The following RAB39A variants were observed in gnomAD, a reference collection of about 807,000 sequenced individuals.
The protein encoded by RAB39A is RAB39A, member RAS oncogene family, also known as ras-related protein Rab-39A.
RAB39A carries 17 observed loss-of-function variants against 20.9 expected under a neutral mutation model. That is an observed-to-expected ratio of 0.81 (90% CI 0.56 to 1.22). The LOEUF (loss-of-function observed/expected upper bound fraction) is 1.22. Ranked by LOEUF, RAB39A falls within the 50% of genes most tolerant of loss-of-function variation. The pLI is 0.00. For missense variants in RAB39A, 234 were observed against 270.5 expected (o/e 0.87, Z 0.95); for synonymous variants, 99 against 103.4 (o/e 0.96, Z 0.26).
intron 1 of RAB39A, among the ~76,000 whole-genome samples, chr11:107,948,948 T>A (rs1005335168): frequency 1.6e-4 from 25 of 152,136 alleles, no homozygotes; most frequent in African/African-American, 6.0e-4. Flanking sequence ...TTCCTTCCGG[T>A]TAATTATCTT....
At chr11:107,930,771 G>C (rs182301351) in intron 1 of RAB39A, among the ~76,000 whole-genome samples, 1 of 151,814 alleles carries the variant, frequency 6.6e-6, no homozygotes, top group South Asian at 2.1e-4. Context: ...CAGGAGAATC[G>C]CTTGAACCTG....
intron 1 of RAB39A, among the ~76,000 whole-genome samples, chr11:107,960,565 A>T (rs1056158074): frequency 2.6e-5 from 4 of 152,348 alleles, no homozygotes; most frequent in East Asian, 1.9e-4. Context: ...CAGCCAGGAA[A>T]CAGATGGCAC....
intron 1 of RAB39A, among the ~76,000 whole-genome samples, chr11:107,940,388 C>T (rs773634382): frequency 2.3e-4 from 35 of 151,876 alleles, no homozygotes; most frequent in African/African-American, 7.7e-4. Flanking sequence ...CTCAGCCTCC[C>T]GAGTAGCTGG....
At chr11:107,955,714 T>A (rs1372395141) in intron 1 of RAB39A, among the ~76,000 whole-genome samples, 2 of 152,084 alleles carry the variant, frequency 1.3e-5, no homozygotes, top group African/African-American at 4.8e-5. Context: ...GGTGCATGCC[T>A]GTAATCCCTG....
chr11:107,960,909 AC>A (rs1263081772), intron 1 of RAB39A, among the ~76,000 whole-genome samples: 1 of 151,952 alleles, frequency 6.6e-6, no homozygotes, highest in Non-Finnish European at 1.5e-5. Flanking sequence ...CATTGGCTGA[AC>A]CCCCCTGCAA....
intron 1 of RAB39A, 45 bp from the exon 2 acceptor site, chr11:107,961,901 A>C (rs1233580110): frequency 6.9e-7 from 1 of 1,449,278 alleles, no homozygotes; most frequent in Middle Eastern, 1.9e-4. Context: ...GAGAAGAAAA[A>C]GAACAAGTTG....
At chr11:107,941,537 T>G (rs1861258650) in intron 1 of RAB39A, among the ~76,000 whole-genome samples, 1 of 152,146 alleles carries the variant, frequency 6.6e-6, no homozygotes, top group Admixed American at 6.6e-5. Flanking sequence ...CTAATTTTTG[T>G]CCCCTCATTC....
chr11:107,929,486 G>GTC (rs1491332635), intron 1 of RAB39A, among the ~76,000 whole-genome samples: 2 of 96,972 alleles, frequency 2.1e-5, no homozygotes, highest in African/African-American at 1.3e-4. Context: ...ACAGCTGAGG[G>GTC]TGTGTGTGTG....
In RAB39A at chr11:107,928,670, C is replaced by T. The variant is rs773016370; in HGVS notation, c.102C>T (p.Pro34=). The part of the protein sequence containing the change: ...LLHRFTQGRF[P]GLRSPACDPT... ...ACCGCTTCACCCAGGGCCGCTTCCC[C>T]GGGCTGCGCTCCCCCGCCTGCGACC... Residue 34 remains proline (P), a synonymous_variant, in exon 1 of 2, where the codon CCC becomes CCT. Transcript: ENST00000320578. This position sits in a 1 kb window ranked among gnomAD's most constrained non-coding sequence, Gnocchi z 4.9. 2.5e-6 allele frequency: 4 copies of T among 1,612,368 alleles called. No homozygotes were observed. The East Asian group carries it at 6.7e-5, about 27-fold the overall frequency.
At position 107,961,984 on chromosome 11, in the gene RAB39A, G is replaced by T; in HGVS notation, c.266G>T (p.Gly89Val). 6.2e-7 allele frequency: 1 copy of T among 1,613,078 alleles called. No individual in the cohort carries two copies. Among genetic ancestry groups the T allele is most frequent in the South Asian group, 1.1e-5 (1 of 91,022 alleles). The change falls in exon 2 of 2, where the codon GGA becomes GTA. Residue 89 changes from glycine to valine, a missense_variant. Coordinates refer to ENST00000320578, the MANE Select transcript of RAB39A (RefSeq NM_017516.3). ...TCTTATTACCGCAACTCAGTTGGTGGATTTTTAGTATTTGACATTACTAAC... is the reference window on the plus strand; with the variant it reads ...TCTTATTACCGCAACTCAGTTGGTGTATTTTTAGTATTTGACATTACTAAC... ...TRSYYRNSVG[G>V]FLVFDITNRR...
Position 107,962,014 on chromosome 11 carries a change from G to T in RAB39A, c.296G>T (p.Arg99Leu), listed in dbSNP as rs753697995. The T allele has an allele frequency of 8.1e-6, 13 of 1,613,770 alleles. No homozygotes were observed. Among genetic ancestry groups the T allele is most frequent in the Non-Finnish European group, 1.1e-5 (13 of 1,179,788 alleles). ...GFLVFDITNRRSFEHVKDWLE... is the reference protein window; with the variant it reads ...GFLVFDITNRLSFEHVKDWLE... ...TTAGTATTTGACATTACTAACCGAC[G>T]ATCTTTTGAACATGTGAAAGATTGG... The change falls in exon 2 of 2, where the codon CGA becomes CTA. Residue 99 changes from arginine (R) to leucine (L), a missense_variant. Physicochemically the swap from Arg to Leu is moderately radical, Grantham distance 102 (BLOSUM62 -2). Transcript: ENST00000320578.
rs752665818 is a variant in RAB39A at position 107,930,977 on chromosome 11, CT to C, written c.227+2198del. Among the ~76,000 whole-genome samples the C allele has an allele frequency of 7.4e-3, 1,050 of 141,858 alleles. 5 individuals are homozygous for C. Among genetic ancestry groups the C allele is most frequent in the East Asian group, 0.034 (166 of 4,912 alleles). The allele number at this position is 141,858 out of a possible 152,430, so 93.1% of individuals were successfully genotyped here. A position where few individuals can be genotyped will look rare whatever the true frequency, so the allele number is the denominator to read the frequency against. Reference sequence around the variant, plus strand: ...GATGATAGAGATGATTGTTTTTTAACTTTTTTTTTTTTTTTTGAGACGGAGT... The same window carrying C: ...GATGATAGAGATGATTGTTTTTTAACTTTTTTTTTTTTTTTGAGACGGAGT... On this transcript the variant is annotated intron_variant, in intron 1 of 1. Transcript: ENST00000320578.
At chr11:107,940,247 A>T (rs1031632657) in intron 1 of RAB39A, among the ~76,000 whole-genome samples, 1 of 151,718 alleles carries the variant, frequency 6.6e-6, no homozygotes, top group African/African-American at 2.4e-5. Context: ...TAATTTAAGC[A>T]ATATTTTTAT....
intron 1 of RAB39A, among the ~76,000 whole-genome samples, chr11:107,934,383 A>G (rs1369639317): frequency 1.3e-5 from 2 of 152,000 alleles, no homozygotes; most frequent in Admixed American, 6.6e-5. Context: ...TCTGTGAGCT[A>G]TGATCATGCC....
intron 1 of RAB39A, among the ~76,000 whole-genome samples, chr11:107,940,645 T>C (rs1281565104): frequency 6.6e-6 from 1 of 152,154 alleles, no homozygotes; most frequent in Non-Finnish European, 1.5e-5. Flanking sequence ...TAATCAATTC[T>C]GATAATATAT....
chr11:107,937,336 C>T (rs140908261), intron 1 of RAB39A, among the ~76,000 whole-genome samples: 2,014 of 152,014 alleles, frequency 0.013, 25 homozygotes, highest in Non-Finnish European at 0.021. Flanking sequence ...GACAGGGTCT[C>T]GCTGTATTGC....
chr11:107,949,889 T>G (rs1366439048), intron 1 of RAB39A, among the ~76,000 whole-genome samples: 1 of 152,150 alleles, frequency 6.6e-6, no homozygotes, highest in Non-Finnish European at 1.5e-5. Flanking sequence ...GTGGATGATT[T>G]TGGCCGGGCG....
At chr11:107,934,929 CAAAAAA>C (rs55682157) in intron 1 of RAB39A, among the ~76,000 whole-genome samples, 1,530 of 101,648 alleles carry the variant, frequency 0.015, 27 homozygotes, top group African/African-American at 0.056. Context: ...GACTTCGTCT[CAAAAAA>C]AAAAAAAAAA....
In RAB39A at chr11:107,961,979, T is replaced by G; in HGVS notation, c.261T>G (p.Val87=). The G allele has an allele frequency of 6.2e-7, 1 of 1,612,918 alleles. No individual in the cohort carries two copies. Among genetic ancestry groups the G allele is most frequent in the Non-Finnish European group, 8.5e-7 (1 of 1,179,016 alleles). Reference sequence around the variant, plus strand: ...CCCGATCTTATTACCGCAACTCAGTTGGTGGATTTTTAGTATTTGACATTA... The same window carrying G: ...CCCGATCTTATTACCGCAACTCAGTGGGTGGATTTTTAGTATTTGACATTA... ...SITRSYYRNS[V]GGFLVFDITN... The change falls in exon 2 of 2, where the codon GTT becomes GTG. Residue 87 remains valine (V), a synonymous_variant. Coordinates refer to ENST00000320578, the MANE Select transcript of RAB39A (RefSeq NM_017516.3).
Sources: gnomAD v4.1 joint callset for allele counts (sites outside exome capture counted in the v4.1 genomes callset) on GRCh38, gnomAD v4.1.1 for gene constraint, Gnocchi (gnomAD v3.1) non-coding constraint, MANE v1.5 for transcripts, NCBI Gene and HGNC (gene_info 2026-07-23, HGNC 2026-07-21) for gene names.